Variants in VPS9D1 observed in about 807,000 individuals in gnomAD.
The protein encoded by VPS9D1 is VPS9 domain-containing protein 1.
In VPS9D1, 78 loss-of-function variants were observed where a neutral mutation model predicts 75.8. That is an observed-to-expected ratio of 1.03 (90% CI 0.86 to 1.24). The LOEUF is 1.24. VPS9D1 is among the 50% of genes most tolerant of loss of function. The pLI is 0.00. For missense variants in VPS9D1, 1,057 were observed against 847.7 expected, an observed-to-expected ratio of 1.25 and a Z score of -3.07; for synonymous variants, 481 against 385.6, an observed-to-expected ratio of 1.25 and a Z score of -2.90.
At chr16:89,717,294 C>T (rs1449972051) in intron 2 of VPS9D1, 3 of 330,688 alleles carry the variant, frequency 9.1e-6, no homozygotes, top group East Asian at 8.2e-5. Flanking sequence ...GTCACAGCCT[C>T]GACCCTAAAC....
chr16:89,711,788 G>A, intron 8 of VPS9D1, 94 bp downstream of exon 8: 3 of 1,393,126 alleles, frequency 2.2e-6, no homozygotes, highest in Non-Finnish European at 1.9e-6. Flanking sequence ...CACAGCCTCT[G>A]GCTCCGCCCC....
chr16:89,712,760 T>C, intron 4 of VPS9D1, 44 bp from the exon 5 acceptor site: 1 of 1,478,962 alleles, frequency 6.8e-7, no homozygotes, highest in South Asian at 1.4e-5. Flanking sequence ...GGAAGCCCAG[T>C]GGTGTCTGGA....
rs367891054 is a variant in VPS9D1, at chr16:89,709,288, C to T, written c.1536G>A (p.Ala512=). Residue 512 remains alanine, a synonymous_variant, in exon 12 of 15, where the codon GCG becomes GCA. Transcript: ENST00000389386. ...GGACCAGCAGTCCGAGCTCCTGGGC[C>T]GCCGCGCAGTAGGGGTAGCCAGTGG... is the stretch of plus-strand genomic sequence containing the variant. ...KGATGYPYCA[A]AQELGLLVLE... 1.6e-5 allele frequency: 26 copies of T among 1,610,216 alleles called. No individual in the cohort carries two copies. Among genetic ancestry groups the T allele is most frequent in the African/African-American group, 6.7e-5 (5 of 74,976 alleles).
chr16:89,719,528 A>G (rs1667436114), intron 1 of VPS9D1, among the ~76,000 whole-genome samples: 1 of 152,194 alleles, frequency 6.6e-6, no homozygotes, highest in African/African-American at 2.4e-5. Context: ...TTAAAAAAAT[A>G]CTTTTCTGAG....
chr16:89,711,212 C>T (rs1299792297), intron 9 of VPS9D1, 115 bp downstream of exon 9: 12 of 1,275,340 alleles, frequency 9.4e-6, no homozygotes, highest in South Asian at 1.3e-5. Context: ...GCAGTGTCCA[C>T]GTGGCCGGGC....
intron 1 of VPS9D1, 162 bp downstream of exon 1, chr16:89,720,601 G>A (rs1416497799): frequency 3.3e-6 from 4 of 1,227,656 alleles, no homozygotes; most frequent in Non-Finnish European, 4.1e-6. Flanking sequence ...ACGCCCGGCT[G>A]CGCCCCGCCC....
Position 89,720,849 on chromosome 16 carries a change from C to T in VPS9D1, c.13G>A (p.Ala5Thr), listed in dbSNP as rs1163105413. The change falls in exon 1 of 15, where the codon GCC (alanine) becomes ACC (threonine). Residue 5 changes from alanine to threonine, a missense_variant. Transcript: ENST00000389386. Reference protein sequence around the residue: MAAAAGDGTVKPLQS... With the variant: MAAATGDGTVKPLQS... ...AGCGGCTTCACCGTGCCGTCCCCGG[C>T]CGCAGCGGCCATGGCGCCGAGCGGG... 2 of 1,420,834 alleles carry T rather than the reference C, an allele frequency of 1.4e-6. No individual in the cohort carries two copies. Among genetic ancestry groups the T allele is most frequent in the Non-Finnish European group, 9.2e-7 (1 of 1,081,630 alleles). 88.0% of individuals were successfully genotyped at this position (1,420,834 alleles called of 1,614,324 possible). A position where few individuals can be genotyped will look rare whatever the true frequency, so the allele number is the denominator to read the frequency against.
In VPS9D1 at chr16:89,710,040, C is replaced by T. The variant is rs983479992; in HGVS notation, c.1259-134G>A. On this transcript the variant is annotated intron_variant, in intron 10 of 14. Transcript: ENST00000389386. ...TCAAGCCTCCTGCACCCACCCCTGA[C>T]CCTCCTCGGCCCAGGGCAGGGAGTC... is the stretch of plus-strand genomic sequence containing the variant. 1.6e-5 allele frequency: 20 copies of T among 1,257,730 alleles called. No homozygotes were observed. In the South Asian group the frequency reaches 2.9e-4, roughly 18 times the overall value. The allele number at this position is 1,257,730 out of a possible 1,614,324, so 77.9% of individuals were successfully genotyped here. A position where few individuals can be genotyped will look rare whatever the true frequency, so the allele number is the denominator to read the frequency against.
At chr16:89,719,500 G>A (rs999088504) in intron 1 of VPS9D1, 1 of 378,650 alleles carries the variant, frequency 2.6e-6, no homozygotes, top group African/African-American at 2.1e-5. Flanking sequence ...GCAACTCAAG[G>A]GTGATTCATT....
chr16:89,716,646 G>T, intron 3 of VPS9D1, 22 bp from the exon 4 acceptor site: 1 of 1,609,350 alleles, frequency 6.2e-7, no homozygotes, highest in South Asian at 1.1e-5. Context: ...GGGTAACCAG[G>T]GGTCAAGCGG....
In VPS9D1 at chr16:89,716,545, G is replaced by A. The variant is rs773164914; in HGVS notation, c.348C>T (p.Ser116=). 36 of 1,613,954 alleles carry A rather than the reference G, an allele frequency of 2.2e-5. No individual in the cohort carries two copies. Among genetic ancestry groups the A allele is most frequent in the South Asian group, 2.2e-4 (20 of 91,078 alleles). Residue 116 remains serine (S), a synonymous_variant, in exon 4 of 15, where the codon TCC becomes TCT. Coordinates refer to ENST00000389386, the MANE Select transcript of VPS9D1 (RefSeq NM_004913.3). The part of the protein sequence containing the change: ...QPAGRHRRVY[S]DEGGKLSPFL... ...AAGGAGAGAGCTTTCCTCCTTCATCGGAGTATACACGGCGGTGTCGGCCGG... is the reference window on the plus strand; with the variant it reads ...AAGGAGAGAGCTTTCCTCCTTCATCAGAGTATACACGGCGGTGTCGGCCGG...
intron 13 of VPS9D1, 77 bp downstream of exon 13, chr16:89,708,780 G>T: frequency 1.4e-6 from 2 of 1,399,190 alleles, no homozygotes; most frequent in Non-Finnish European, 9.6e-7. Flanking sequence ...TAAGGGGCAG[G>T]AAGATAGTCC....
At position 89,720,808 on chromosome 16, in the gene VPS9D1, C is replaced by T. The variant is rs1339485148; in HGVS notation, c.54G>A (p.Lys18=). Residue 18 remains lysine (K), a synonymous_variant, in exon 1 of 15, where the codon AAG becomes AAA. Transcript: ENST00000389386. ...CCAGCTCGATGGCCCCGTTGGCAAG[C>T]TTCATGGCGCTCTGCAGCGGCTTCA... ...GTVKPLQSAM[K]LANGAIELDT... 2 of 1,459,414 alleles carry T rather than the reference C, an allele frequency of 1.4e-6. No individual in the cohort carries two copies. Among genetic ancestry groups the T allele is most frequent in the Non-Finnish European group, 1.8e-6 (2 of 1,102,350 alleles). 90.4% of individuals were successfully genotyped at this position (1,459,414 alleles called of 1,614,324 possible).
Position 89,713,544 on chromosome 16 carries a change from G to A in VPS9D1, c.432-828C>T, listed in dbSNP as rs533170461. Among the ~76,000 whole-genome samples, 15 of 151,982 alleles carry A rather than the reference G, an allele frequency of 9.9e-5. No homozygotes were observed. The South Asian group carries it at 1.5e-3, about 15-fold the overall frequency. On this transcript the variant is annotated intron_variant, in intron 4 of 14. Transcript: ENST00000389386. Reference sequence around the variant, plus strand: ...ACTGGGATTACAGGCGTGAGCTACCGCGCCCGGCCGGACTTTTGGTTTTTC... The same window carrying A: ...ACTGGGATTACAGGCGTGAGCTACCACGCCCGGCCGGACTTTTGGTTTTTC...
intron 4 of VPS9D1, among the ~76,000 whole-genome samples, chr16:89,713,336 A>T (rs534387905): frequency 6.6e-6 from 1 of 150,590 alleles, no homozygotes; most frequent in African/African-American, 2.4e-5. Flanking sequence ...CTCACTGCAA[A>T]CTCCGCCTCC....
chr16:89,709,136 G>A, intron 12 of VPS9D1, 91 bp downstream of exon 12: 1 of 1,543,164 alleles, frequency 6.5e-7, no homozygotes, highest in East Asian at 2.3e-5. Flanking sequence ...ACCGGCACGT[G>A]ACAAGAGAAG....
At chr16:89,712,356 C>A (rs903907115) in intron 6 of VPS9D1, 104 bp downstream of exon 6, 2 of 1,535,252 alleles carry the variant, frequency 1.3e-6, no homozygotes, top group East Asian at 2.3e-5. Flanking sequence ...CCCTGTACCC[C>A]GACCCCGGAA....
chr16:89,717,438 C>T, intron 2 of VPS9D1: 1 of 403,790 alleles, frequency 2.5e-6, no homozygotes, highest in Middle Eastern at 3.8e-4. Flanking sequence ...GTCCTGCCTT[C>T]CCGTAGCTTG....
At chr16:89,720,720 G>T in intron 1 of VPS9D1, 43 bp downstream of exon 1, 2 of 1,410,772 alleles carry the variant, frequency 1.4e-6, no homozygotes, top group African/African-American at 1.5e-5. Flanking sequence ...GTCCCTCCAG[G>T]GGCCACCCTC....
Sources: gnomAD v4.1 joint callset for allele counts (sites outside exome capture counted in the v4.1 genomes callset) on GRCh38, gnomAD v4.1.1 for gene constraint, MANE v1.5 for transcripts, NCBI Gene and HGNC (gene_info 2026-07-23, HGNC 2026-07-21) for gene names.